The following LRP1B variants were observed in gnomAD, a reference collection of about 807,000 sequenced individuals.
LRP1B encodes the protein LDL receptor related protein 1B, also known as low-density lipoprotein receptor-related protein 1B.
LRP1B carries 217 observed loss-of-function variants against 556.6 expected under a neutral mutation model. That is an observed-to-expected ratio of 0.39 (90% CI 0.35 to 0.44). LRP1B has a LOEUF of 0.44. Ranked by LOEUF, LRP1B falls within the 20% of genes least tolerant of loss-of-function variation. The pLI, the probability that LRP1B is intolerant of heterozygous loss-of-function variation, is 1.00. For synonymous variants in LRP1B, 2,047 were observed against 1,865.8 expected (o/e 1.10, Z -2.50); for missense variants, 5,053 against 5,620.8 (o/e 0.90, Z 3.23).
intron 3 of LRP1B, among the ~76,000 whole-genome samples, chr2:141,414,022 G>A (rs1019289218): frequency 6.6e-6 from 1 of 152,080 alleles, no homozygotes; most frequent in Non-Finnish European, 1.5e-5. Context: ...CGAGGTCAGA[G>A]GTCAGGAGAT....
At chr2:140,323,295 CCA>C (rs1680257163) in intron 81 of LRP1B, among the ~76,000 whole-genome samples, 5 of 151,830 alleles carry the variant, frequency 3.3e-5, no homozygotes, top group African/African-American at 1.2e-4. Context: ...AATGACTTAC[CCA>C]CTCCTTTCTA....
In LRP1B at chr2:142,024,721, T is replaced by A. The variant is rs182286592; in HGVS notation, c.82+105927A>T. ...ATAGCCCTTTAAAATCTTAGGTTAATTGAGTTCTCTAGGCTTTTACAGCTG... is the reference window on the plus strand; with the variant it reads ...ATAGCCCTTTAAAATCTTAGGTTAAATGAGTTCTCTAGGCTTTTACAGCTG... On this transcript the variant is annotated intron_variant, in intron 1 of 90. Coordinates refer to ENST00000389484, the MANE Select transcript of LRP1B (RefSeq NM_018557.3). Among the ~76,000 whole-genome samples the A allele has an allele frequency of 4.8e-3, 723 of 151,742 alleles. 6 individuals carry two copies. Among genetic ancestry groups the A allele is most frequent in the Non-Finnish European group, 8.8e-3 (598 of 67,940 alleles).
intron 20 of LRP1B, among the ~76,000 whole-genome samples, chr2:140,937,624 C>A (rs1472444929): frequency 6.6e-6 from 1 of 151,932 alleles, no homozygotes; most frequent in Non-Finnish European, 1.5e-5. Flanking sequence ...TATTTTAGAA[C>A]AATTAAAACA....
intron 32 of LRP1B, among the ~76,000 whole-genome samples, chr2:140,781,449 T>G (rs951842041): frequency 3.9e-5 from 6 of 152,234 alleles, no homozygotes; most frequent in Non-Finnish European, 8.8e-5. Context: ...TCCTTTCTAA[T>G]TCCAGTCTTA....
chr2:142,049,742 G>C, intron 1 of LRP1B, among the ~76,000 whole-genome samples: 1 of 152,006 alleles, frequency 6.6e-6, no homozygotes, highest in Non-Finnish European at 1.5e-5. Context: ...AGATGCACAG[G>C]CAACAGCCAT....
In LRP1B at chr2:141,188,431, G is replaced by C. The variant is rs1681357149; in HGVS notation, c.1003C>G (p.Pro335Ala). 6.2e-7 allele frequency: 1 copy of C among 1,611,428 alleles called. No homozygotes were observed. The highest frequency in any genetic ancestry group is 8.5e-7 in the Non-Finnish European group (1 of 1,178,738). The change falls in exon 7 of 91, where the codon CCA becomes GCA. Residue 335 changes from proline to alanine, a missense_variant. Coordinates refer to ENST00000389484, the MANE Select transcript of LRP1B (RefSeq NM_018557.3). ...LHNPKAIAVD[P>A]IAGKLFFTDY... The stretch of plus-strand genomic sequence containing the variant: ...TAAAGAATTTCTTACCCTGCTATTG[G>C]ATCTACTGCTATTGCTTTAGGATTG...
chr2:141,671,139 G>A (rs1028377297), intron 2 of LRP1B, among the ~76,000 whole-genome samples: 2 of 152,144 alleles, frequency 1.3e-5, no homozygotes, highest in African/African-American at 4.8e-5. Context: ...TACAATTAGT[G>A]AGGTAAGGAT....
At chr2:142,100,276 G>T (rs1489918020) in intron 1 of LRP1B, among the ~76,000 whole-genome samples, 7 of 151,878 alleles carry the variant, frequency 4.6e-5, no homozygotes, top group Non-Finnish European at 1.0e-4. Context: ...ACGCTGCAAT[G>T]CTTGGAGAGC....
At chr2:140,854,074 A>AG (rs572388137) in intron 27 of LRP1B, among the ~76,000 whole-genome samples, 101 of 151,504 alleles carry the variant, frequency 6.7e-4, no homozygotes, top group African/African-American at 2.4e-3. Flanking sequence ...AAAAAAAAAA[A>AG]AAGAAGAAAA....
intron 1 of LRP1B, among the ~76,000 whole-genome samples, chr2:142,081,360 C>T (rs1175870177): frequency 6.6e-6 from 1 of 151,888 alleles, no homozygotes; most frequent in Non-Finnish European, 1.5e-5. Context: ...TTTATTGACC[C>T]ACATTTTACC....
chr2:140,917,957 C>T (rs185233342), intron 21 of LRP1B, among the ~76,000 whole-genome samples: 7 of 152,082 alleles, frequency 4.6e-5, no homozygotes, highest in African/African-American at 1.7e-4. Flanking sequence ...TGGGAGTATA[C>T]AGGAAGTCTC....
intron 31 of LRP1B, among the ~76,000 whole-genome samples, chr2:140,824,967 G>T (rs1021204776): frequency 6.6e-6 from 1 of 152,238 alleles, no homozygotes; most frequent in African/African-American, 2.4e-5. Context: ...GGATATAATA[G>T]TAAATAAAGC....
intron 1 of LRP1B, among the ~76,000 whole-genome samples, chr2:141,868,635 A>G (rs1698488075): frequency 6.6e-6 from 1 of 152,172 alleles, no homozygotes; most frequent in Non-Finnish European, 1.5e-5. Flanking sequence ...TGTTTTTGCT[A>G]TTGAATGGAA....
chr2:141,629,890 C>T (rs1470838536), intron 2 of LRP1B, among the ~76,000 whole-genome samples: 5 of 152,118 alleles, frequency 3.3e-5, no homozygotes, highest in Non-Finnish European at 7.3e-5. Context: ...ATTAAATCCT[C>T]TGTTCCCACC....
chr2:141,519,793 G>A (rs1684469119), intron 2 of LRP1B, among the ~76,000 whole-genome samples: 3 of 152,012 alleles, frequency 2.0e-5, no homozygotes, highest in African/African-American at 7.2e-5. Flanking sequence ...GTTCTTTCTT[G>A]CCAGTAGCCT....
At chr2:141,398,970 T>C (rs553377723) in intron 3 of LRP1B, among the ~76,000 whole-genome samples, 1 of 152,248 alleles carries the variant, frequency 6.6e-6, no homozygotes, top group African/African-American at 2.4e-5. Flanking sequence ...AAAAGCCAAA[T>C]TCCGACTGGG....
chr2:140,668,073 G>A (rs1466957175), intron 41 of LRP1B, among the ~76,000 whole-genome samples: 1 of 152,096 alleles, frequency 6.6e-6, no homozygotes, highest in Admixed American at 6.6e-5. Context: ...AGCACTTTGG[G>A]AGGCCGAGGC....
intron 2 of LRP1B, among the ~76,000 whole-genome samples, chr2:141,787,318 C>A (rs924576799): frequency 1.3e-5 from 2 of 151,916 alleles, no homozygotes; most frequent in East Asian, 1.9e-4. Context: ...TTCATAGTCG[C>A]ACCAAACTGG....
At chr2:140,566,614 T>G (rs1403767189) in intron 43 of LRP1B, among the ~76,000 whole-genome samples, 1 of 152,106 alleles carries the variant, frequency 6.6e-6, no homozygotes, top group Non-Finnish European at 1.5e-5. Context: ...CCCAGGGACA[T>G]GATGCTTTGA....
Sources: gnomAD v4.1 joint callset for allele counts (sites outside exome capture counted in the v4.1 genomes callset) on GRCh38, gnomAD v4.1.1 for gene constraint, MANE v1.5 for transcripts, NCBI Gene and HGNC (gene_info 2026-07-23, HGNC 2026-07-21) for gene names.